The following PCDHA8 variants were observed in gnomAD, a reference collection of about 807,000 sequenced individuals.
PCDHA8 encodes the protein protocadherin alpha 8, also known as protocadherin alpha-8.
PCDHA8 carries 53 observed loss-of-function variants against 61.8 expected under a neutral mutation model. That is an observed-to-expected ratio of 0.86 (90% CI 0.69 to 1.08). PCDHA8 has a LOEUF of 1.08. PCDHA8 is among the 50% of genes least tolerant of loss of function. The probability of loss-of-function intolerance (pLI) is 0.00; values close to 1 mark genes in which losing one functional copy is unlikely to be tolerated. For synonymous variants in PCDHA8, 618 were observed against 556.6 expected, an observed-to-expected ratio of 1.11 and a Z score of -1.55; for missense variants, 1,293 against 1,245.0, an observed-to-expected ratio of 1.04 and a Z score of -0.58.
At chr5:140,857,347 G>A (rs781930086) in intron 1 of PCDHA8, 5 of 1,598,352 alleles carry the variant, frequency 3.1e-6, no homozygotes, top group Non-Finnish European at 4.3e-6. Context: ...GCTCGCCTCC[G>A]CTGTGGGCCA....
At chr5:140,907,773 G>C (rs2073598085) in intron 1 of PCDHA8, among the ~76,000 whole-genome samples, 1 of 152,200 alleles carries the variant, frequency 6.6e-6, no homozygotes, top group Admixed American at 6.5e-5. Flanking sequence ...GGTGATGACA[G>C]GGGTGGCTGG....
intron 1 of PCDHA8, among the ~76,000 whole-genome samples, chr5:140,873,602 C>T (rs1554166789): frequency 6.6e-6 from 1 of 152,118 alleles, no homozygotes; most frequent in African/African-American, 2.4e-5. Flanking sequence ...TTAGATGTTC[C>T]TATTGGCTTA....
intron 3 of PCDHA8, among the ~76,000 whole-genome samples, chr5:140,998,919 A>G (rs781864069): frequency 6.6e-6 from 1 of 152,248 alleles, no homozygotes; most frequent in Non-Finnish European, 1.5e-5. Flanking sequence ...TAGCTATTAT[A>G]TCCATTTTAC....
intron 1 of PCDHA8, among the ~76,000 whole-genome samples, chr5:140,909,383 C>T (rs782249699): frequency 5.9e-5 from 9 of 152,202 alleles, no homozygotes; most frequent in Non-Finnish European, 1.3e-4. Flanking sequence ...GAAACCACAT[C>T]TAGTACAGCA....
At chr5:140,873,417 AATT>A (rs1443232738) in intron 1 of PCDHA8, among the ~76,000 whole-genome samples, 1 of 152,164 alleles carries the variant, frequency 6.6e-6, no homozygotes. Flanking sequence ...AAATTTTGTA[AATT>A]ATTATTTTAT....
At chr5:141,009,205 A>G (rs1325707221) in intron 3 of PCDHA8, among the ~76,000 whole-genome samples, 8 of 152,192 alleles carry the variant, frequency 5.3e-5, no homozygotes, top group Non-Finnish European at 1.2e-4. Flanking sequence ...CTATGATTCC[A>G]ACACTTTGGG....
rs1554138958 is a variant in PCDHA8, at chr5:140,842,308, C to T, written c.987C>T (p.Pro329=). The change falls in exon 1 of 4, where the codon CCC becomes CCT. Residue 329 remains proline (P), a synonymous_variant. Coordinates refer to ENST00000531613, the MANE Select transcript of PCDHA8 (RefSeq NM_018911.3). ...ACGCCACGGACAAAGGCCATCCTCC[C>T]ATGGCGGGTCATTGCACCGTTTTAG... ...LIDATDKGHP[P]MAGHCTVLVR... is the part of the protein sequence containing the mutation. The T allele has an allele frequency of 3.1e-6, 5 of 1,607,710 alleles. No individual in the cohort carries two copies. The African/African-American group carries it at 5.4e-5, about 17-fold the overall frequency.
chr5:140,892,489 G>A (rs1554185225), intron 1 of PCDHA8, among the ~76,000 whole-genome samples: 1 of 152,180 alleles, frequency 6.6e-6, no homozygotes, highest in Non-Finnish European at 1.5e-5. Context: ...CCAAACATGA[G>A]AGATTGTTTA....
intron 3 of PCDHA8, among the ~76,000 whole-genome samples, chr5:140,984,164 A>T (rs1471799520): frequency 6.6e-6 from 1 of 152,208 alleles, no homozygotes; most frequent in African/African-American, 2.4e-5. Flanking sequence ...GAACTTCCCA[A>T]AGAAGCCACG....
At chr5:140,921,428 T>G (rs1291283426) in intron 1 of PCDHA8, among the ~76,000 whole-genome samples, 1 of 152,190 alleles carries the variant, frequency 6.6e-6, no homozygotes, top group Non-Finnish European at 1.5e-5. Context: ...GACAAAAATT[T>G]TCTTCAATGG....
intron 1 of PCDHA8, among the ~76,000 whole-genome samples, chr5:140,941,198 TC>T (rs2092794663): frequency 1.7e-5 from 2 of 119,812 alleles, no homozygotes; most frequent in African/African-American, 6.9e-5. Context: ...TTTTTTTCTT[TC>T]TTCCTTTCTT....
chr5:140,843,259 T>G lies in PCDHA8; in HGVS notation c.1938T>G (p.Arg646=), dbSNP rs143217470. ...VLDEADSPRH[R]LLVLVKDHGE... is the part of the protein sequence containing the mutation. Reference sequence around the variant, plus strand: ...ACGAAGCGGACTCTCCGCGCCACCGTCTGCTGGTCCTGGTGAAGGATCATG... The same window carrying G: ...ACGAAGCGGACTCTCCGCGCCACCGGCTGCTGGTCCTGGTGAAGGATCATG... The change falls in exon 1 of 4, where the codon CGT becomes CGG. Residue 646 remains arginine (R), a synonymous_variant. Transcript: ENST00000531613. 98 of 1,596,004 alleles carry G rather than the reference T, an allele frequency of 6.1e-5. 8 individuals are homozygous for G. In the African/African-American group the frequency reaches 1.1e-3, roughly 18 times the overall value.
At chr5:140,962,191 T>C (rs2095664022) in intron 1 of PCDHA8, among the ~76,000 whole-genome samples, 1 of 152,210 alleles carries the variant, frequency 6.6e-6, no homozygotes, top group African/African-American at 2.4e-5. Flanking sequence ...ATCACTTTTA[T>C]GCTTCCTATC....
At chr5:140,856,609 A>G in intron 1 of PCDHA8, 1 of 1,598,102 alleles carries the variant, frequency 6.3e-7, no homozygotes, top group Non-Finnish European at 8.6e-7. Context: ...AAAAAGACAA[A>G]GACAAATTCC....
chr5:140,922,158 A>G (rs1318778340), intron 1 of PCDHA8, among the ~76,000 whole-genome samples: 1 of 149,104 alleles, frequency 6.7e-6, no homozygotes, highest in South Asian at 2.2e-4. Flanking sequence ...CATCAAAAAC[A>G]ACAAAAAGTA....
chr5:140,864,625 G>GAAAAC (rs1229518182), intron 1 of PCDHA8: 2 of 152,052 alleles, frequency 1.3e-5, no homozygotes, highest in Non-Finnish European at 2.9e-5. Flanking sequence ...TTTTTAAAAA[G>GAAAAC]AAAACAAAAC....
chr5:140,999,372 G>A (rs1029178969), intron 3 of PCDHA8, among the ~76,000 whole-genome samples: 3 of 152,188 alleles, frequency 2.0e-5, no homozygotes, highest in Non-Finnish European at 1.5e-5. Context: ...AATCCCATTA[G>A]ATGGTTATTG....
In PCDHA8 at chr5:140,869,649, A is replaced by G. The variant is rs1446407712; in HGVS notation, c.2394+25934A>G. ...AAAATGAGTATTTTTCTTTAGATTC[A>G]CCAACAAATGGTAAGCAGATTAAAA... On this transcript the variant is annotated intron_variant, in intron 1 of 3. Transcript: ENST00000531613. 4.3e-6 allele frequency: 7 copies of G among 1,613,476 alleles called. No individual in the cohort carries two copies. In the African/African-American group the frequency reaches 6.7e-5, roughly 15 times the overall value.
At position 141,010,104 on chromosome 5, in the gene PCDHA8, T is replaced by G; in HGVS notation, c.*167T>G. ...TGTCTAGAACGCATTTAACAGGTTTTGTCGTAAAAGCTTTACTAAGTCTGG... is the reference window on the plus strand; with the variant it reads ...TGTCTAGAACGCATTTAACAGGTTTGGTCGTAAAAGCTTTACTAAGTCTGG... On this transcript the variant is annotated 3_prime_UTR_variant, in exon 4 of 4. Coordinates refer to ENST00000531613, the MANE Select transcript of PCDHA8 (RefSeq NM_018911.3). 1 of 1,612,408 alleles carries G rather than the reference T, an allele frequency of 6.2e-7. No individual in the cohort carries two copies. Among genetic ancestry groups the G allele is most frequent in the Non-Finnish European group, 8.5e-7 (1 of 1,179,092 alleles).
Sources: gnomAD v4.1 joint callset for allele counts (sites outside exome capture counted in the v4.1 genomes callset) on GRCh38, gnomAD v4.1.1 for gene constraint, MANE v1.5 for transcripts, NCBI Gene and HGNC (gene_info 2026-07-23, HGNC 2026-07-21) for gene names.